Variants in CFAP100 observed in about 807,000 individuals in gnomAD.
The protein encoded by CFAP100 is cilia- and flagella-associated protein 100.
CFAP100 carries 70 observed loss-of-function variants against 81.5 expected under a neutral mutation model. The observed-to-expected ratio is 0.86, with a 90% CI of 0.71 to 1.05. The LOEUF is 1.05. CFAP100 is among the 50% of genes least tolerant of loss of function. The pLI is 0.00. For synonymous variants in CFAP100, 341 were observed against 314.8 expected, an observed-to-expected ratio of 1.08 and a Z score of -0.88; for missense variants, 811 against 776.5, an observed-to-expected ratio of 1.04 and a Z score of -0.53.
At position 126,434,311 on chromosome 3, in the gene CFAP100, A is replaced by G. The variant is rs1203444311; in HGVS notation, c.1558A>G (p.Asn520Asp). 14 of 1,614,076 alleles carry G rather than the reference A, an allele frequency of 8.7e-6. No homozygotes were observed. Among genetic ancestry groups the G allele is most frequent in the Non-Finnish European group, 1.2e-5 (14 of 1,180,016 alleles). The change falls in exon 15 of 17, where the codon AAC becomes GAC. Residue 520 changes from asparagine to aspartate, a missense_variant. By Grantham distance (23) the Asn-to-Asp change is conservative (BLOSUM62 1). Transcript: ENST00000352312. ...GCACCAGCTGGATGAGCTGCTAGAG[A>G]ACCTGGAGCACGTGCCCCAGGTCAA... ...IEHQLDELLE[N>D]LEHVPQVKIE...
chr3:126,435,379 G>A (rs538930830), intron 15 of CFAP100, among the ~76,000 whole-genome samples, 180 bp from the exon 16 acceptor site: 16 of 152,288 alleles, frequency 1.1e-4, no homozygotes, highest in Admixed American at 7.2e-4. Flanking sequence ...GGCCACCTTG[G>A]CCAAAAGCAG....
rs762362669 is a variant in CFAP100 at position 126,433,047 on chromosome 3, T to G, written c.1287-22T>G. The stretch of plus-strand genomic sequence containing the variant: ...GGGCTGTGCTGAGTGACTGATGCCC[T>G]GCCGGTTTTCCCCTCTTCCAGGGAC... On this transcript the variant is annotated intron_variant, in intron 13 of 16. Transcript: ENST00000352312. 4 of 1,613,626 alleles carry G rather than the reference T, an allele frequency of 2.5e-6. No homozygotes were observed. In the East Asian group the frequency reaches 6.7e-5, roughly 27 times the overall value.
intron 2 of CFAP100, among the ~76,000 whole-genome samples, chr3:126,398,822 C>T (rs1448820696): frequency 2.6e-5 from 4 of 152,246 alleles, no homozygotes; most frequent in African/African-American, 9.6e-5. Context: ...CATGGAGCAC[C>T]TACCGTGTGT....
chr3:126,401,573 G>C (rs1389876978), intron 2 of CFAP100, among the ~76,000 whole-genome samples: 1 of 151,616 alleles, frequency 6.6e-6, no homozygotes, highest in East Asian at 2.0e-4. Context: ...GTGGTGGGAA[G>C]CATTTAGACA....
At chr3:126,416,611 G>C in intron 5 of CFAP100, 103 bp downstream of exon 5, 1 of 1,017,464 alleles carries the variant, frequency 9.8e-7, no homozygotes, top group Non-Finnish European at 1.4e-6. Context: ...TGCACAGATG[G>C]GAAGTGCTTT....
At chr3:126,418,282 T>TC (rs1246975959) in intron 5 of CFAP100, 176 bp from the exon 6 acceptor site, 2 of 610,126 alleles carry the variant, frequency 3.3e-6, no homozygotes, top group African/African-American at 3.7e-5. Flanking sequence ...GGCAGAGCCT[T>TC]CTCTCTTTTT....
intron 15 of CFAP100, 119 bp from the exon 16 acceptor site, chr3:126,435,440 T>C: frequency 1.4e-6 from 1 of 714,878 alleles, no homozygotes; most frequent in East Asian, 2.9e-5. Flanking sequence ...GCAAAAGAGG[T>C]GAAGAGGAGC....
In CFAP100 at chr3:126,420,010, T is replaced by C. The variant is rs572580590; in HGVS notation, c.944T>C (p.Met315Thr). 2.2e-4 allele frequency: 360 copies of C among 1,613,200 alleles called. 4 individuals are homozygous for C. In the South Asian group the frequency reaches 3.7e-3, roughly 16 times the overall value. ...GGGATCAAGGGCAAGGCGAGCTCCATGTGGGCCAAAGGTGAGCTGCCGCCC... is the reference window on the plus strand; with the variant it reads ...GGGATCAAGGGCAAGGCGAGCTCCACGTGGGCCAAAGGTGAGCTGCCGCCC... ...GPGIKGKASS[M>T]WAKEGQGTKK... The change falls in exon 10 of 17, where the codon ATG becomes ACG. Residue 315 changes from methionine to threonine, a missense_variant. Transcript: ENST00000352312.
Position 126,423,311 on chromosome 3 carries a change from C to G in CFAP100, c.1083-14C>G, listed in dbSNP as rs568214097. 1.2e-6 allele frequency: 2 copies of G among 1,610,570 alleles called. No homozygotes were observed. The highest frequency in any genetic ancestry group is 2.2e-5 in the South Asian group (2 of 90,514). Reference sequence around the variant, plus strand: ...GGCTGGTCCCAGAGTCCCGACCCTGCCATCTCTTCGCAGGTCGAACTCTCC... The same window carrying G: ...GGCTGGTCCCAGAGTCCCGACCCTGGCATCTCTTCGCAGGTCGAACTCTCC... On this transcript the variant is annotated splice_polypyrimidine_tract_variant and intron_variant, in intron 11 of 16. Transcript: ENST00000352312.
intron 8 of CFAP100, 117 bp from the exon 9 acceptor site, chr3:126,419,520 G>A (rs2083294928): frequency 2.2e-6 from 2 of 918,420 alleles, no homozygotes; most frequent in Non-Finnish European, 3.4e-6. Context: ...TTTTCTCAAG[G>A]AAAACAAGGA....
intron 13 of CFAP100, among the ~76,000 whole-genome samples, chr3:126,430,778 GGTTTCT>G (rs1319041453): frequency 6.6e-6 from 1 of 150,474 alleles, no homozygotes; most frequent in African/African-American, 2.4e-5. Flanking sequence ...TTTTTTTTAT[GGTTTCT>G]ATTTCTTTGT....
At chr3:126,399,428 A>G (rs2082937400) in intron 2 of CFAP100, among the ~76,000 whole-genome samples, 1 of 152,234 alleles carries the variant, frequency 6.6e-6, no homozygotes, top group South Asian at 2.1e-4. Context: ...AAAAAGAAGT[A>G]AAAGACCCAG....
At chr3:126,401,398 T>TATAC (rs869117524) in intron 2 of CFAP100, among the ~76,000 whole-genome samples, 1 of 15,938 alleles carries the variant, frequency 6.3e-5, no homozygotes, top group African/African-American at 2.5e-4. Flanking sequence ...AATCGTATTT[T>TATAC]ATATATATAT....
intron 4 of CFAP100, among the ~76,000 whole-genome samples, chr3:126,415,733 C>G (rs2083225325): frequency 6.6e-6 from 1 of 151,774 alleles, no homozygotes; most frequent in African/African-American, 2.4e-5. Context: ...ACTGTGAGAA[C>G]AGGACAGCAA....
chr3:126,422,475 G>T (rs931121217), intron 11 of CFAP100, among the ~76,000 whole-genome samples: 2 of 136,748 alleles, frequency 1.5e-5, no homozygotes, highest in Non-Finnish European at 3.3e-5. Flanking sequence ...GGTGCCTGGG[G>T]CAAGCCAGCG....
intron 13 of CFAP100, among the ~76,000 whole-genome samples, chr3:126,428,744 C>A (rs113016148): frequency 6.6e-6 from 1 of 152,098 alleles, no homozygotes; most frequent in African/African-American, 2.4e-5. Flanking sequence ...TCTTTGCTAT[C>A]GAGGTGATAC....
intron 3 of CFAP100, among the ~76,000 whole-genome samples, chr3:126,412,821 T>C (rs576934056): frequency 1.3e-5 from 2 of 152,294 alleles, no homozygotes; most frequent in Admixed American, 1.3e-4. Context: ...CTTGGCAGAG[T>C]ATCTGACTGC....
intron 14 of CFAP100, 102 bp from the exon 15 acceptor site, chr3:126,434,074 G>A (rs1933346350): frequency 2.0e-6 from 2 of 981,192 alleles, no homozygotes; most frequent in Non-Finnish European, 3.1e-6. Context: ...GTGCCAAGCG[G>A]TGGCCCCCAC....
intron 16 of CFAP100, 101 bp from the exon 17 acceptor site, chr3:126,436,190 G>A (rs1933439118): frequency 1.2e-6 from 1 of 821,928 alleles, no homozygotes; most frequent in African/African-American, 1.7e-5. Context: ...GTGGCCTGGA[G>A]GTGACTGGAG....
Sources: gnomAD v4.1 joint callset for allele counts (sites outside exome capture counted in the v4.1 genomes callset) on GRCh38, gnomAD v4.1.1 for gene constraint, MANE v1.5 for transcripts, NCBI Gene and HGNC (gene_info 2026-07-23, HGNC 2026-07-21) for gene names.